The following RAB3GAP1 variants were observed in gnomAD, a reference collection of about 807,000 sequenced individuals.
RAB3GAP1 encodes the protein RAB3 GTPase activating protein catalytic subunit 1, also known as rab3 GTPase-activating protein catalytic subunit.
A neutral mutation model predicts 130.7 loss-of-function variants in RAB3GAP1; 86 were observed. The observed-to-expected ratio is 0.66, with a 90% CI of 0.55 to 0.79. The LOEUF (loss-of-function observed/expected upper bound fraction) is 0.79. RAB3GAP1 is among the 30% of genes least tolerant of loss of function. The pLI is 0.00. For missense variants in RAB3GAP1, 1,029 were observed against 1,169.4 expected (o/e 0.88, Z 1.75); for synonymous variants, 367 against 401.7 (o/e 0.91, Z 1.03).
chr2:135,111,796 T>A (rs576651673), intron 5 of RAB3GAP1, among the ~76,000 whole-genome samples: 1 of 152,242 alleles, frequency 6.6e-6, no homozygotes, highest in Non-Finnish European at 1.5e-5. Context: ...CAGATTTCTT[T>A]ATACTTAAAA....
At chr2:135,147,687 A>C (rs145328223) in intron 17 of RAB3GAP1, among the ~76,000 whole-genome samples, 1 of 140,412 alleles carries the variant, frequency 7.1e-6, no homozygotes, top group African/African-American at 2.7e-5. Context: ...ATCATAGCTC[A>C]CTGCAGCCTC....
At position 135,091,003 on chromosome 2, in the gene RAB3GAP1, A is replaced by G. The variant is rs1690127676; in HGVS notation, c.156A>G (p.Ile52Met). ...CATTTTATTGGTACATATAGGGTAT[A>G]TTTACTTCTGGCACATGGGAAGAGA... Reference protein sequence around the residue: ...NSLGKPLEKGIFTSGTWEEKS... With the variant: ...NSLGKPLEKGMFTSGTWEEKS... The change falls in exon 4 of 24, where the codon ATA becomes ATG. Residue 52 changes from isoleucine (I) to methionine (M), a missense_variant. By Grantham distance (10) the Ile-to-Met change is conservative. Around this residue, in one of 3 missense-constraint regions of RAB3GAP1, gnomAD observed 510 missense variants for 532.1 expected, o/e 0.96. Coordinates refer to ENST00000264158, the MANE Select transcript of RAB3GAP1 (RefSeq NM_012233.3). 6.2e-7 allele frequency: 1 copy of G among 1,611,932 alleles called. No individual in the cohort carries two copies. The highest frequency in any genetic ancestry group is 1.3e-5 in the African/African-American group (1 of 74,846).
intron 3 of RAB3GAP1, among the ~76,000 whole-genome samples, chr2:135,070,888 T>C (rs1481855066): frequency 6.6e-6 from 1 of 152,166 alleles, no homozygotes; most frequent in African/African-American, 2.4e-5. Context: ...TGGGAGGTGG[T>C]CCATAGCTTT....
At chr2:135,118,153 T>C (rs1691085499) in intron 7 of RAB3GAP1, among the ~76,000 whole-genome samples, 1 of 152,162 alleles carries the variant, frequency 6.6e-6, no homozygotes, top group Admixed American at 6.5e-5. Flanking sequence ...CCTTAGTCCT[T>C]CTTCTTAAGA....
At chr2:135,121,832 C>A (rs1337195364) in intron 8 of RAB3GAP1, among the ~76,000 whole-genome samples, 4 of 152,188 alleles carry the variant, frequency 2.6e-5, no homozygotes, top group Non-Finnish European at 4.4e-5. Flanking sequence ...GTGACTCACA[C>A]CTGTAATCCT....
Position 135,162,786 on chromosome 2 carries a change from A to C in RAB3GAP1, c.2425A>C (p.Lys809Gln). The change falls in exon 21 of 24, where the codon AAG (lysine) becomes CAG (glutamine). Residue 809 changes from lysine to glutamine, a missense_variant. This residue lies in a region of RAB3GAP1 where 373 missense variants were observed against 493.6 expected (regional missense o/e 0.76). Transcript: ENST00000264158. ...ENISSVKKII[K>Q]QIISHSSKVL... ...CATTTCTTCAGTTAAGAAGATCATA[A>C]AGCAGATAATATCCCATTCCAGTAA... 6.2e-7 allele frequency: 1 copy of C among 1,613,888 alleles called. No individual in the cohort carries two copies. The highest frequency in any genetic ancestry group is 1.1e-5 in the South Asian group (1 of 91,080).
At chr2:135,156,652 A>G (rs549361233) in intron 19 of RAB3GAP1, among the ~76,000 whole-genome samples, 24 of 152,322 alleles carry the variant, frequency 1.6e-4, no homozygotes, top group African/African-American at 5.0e-4. Flanking sequence ...CAGAAAATAT[A>G]TAGAAACTTT....
downstream of RAB3GAP1, among the ~76,000 whole-genome samples, chr2:135,171,731 C>T (rs976016094): frequency 6.6e-6 from 1 of 152,158 alleles, no homozygotes; most frequent in East Asian, 1.9e-4. Context: ...CGTGGAAGAC[C>T]TGGTGCTCAG....
intron 19 of RAB3GAP1, among the ~76,000 whole-genome samples, chr2:135,162,260 G>T (rs1692483650): frequency 6.6e-6 from 1 of 151,912 alleles, no homozygotes; most frequent in Admixed American, 6.6e-5. Flanking sequence ...ACTGTCAATG[G>T]TTGTTTTCTC....
At chr2:135,163,202 CAT>C in intron 22 of RAB3GAP1, 101 bp downstream of exon 22, 1 of 815,320 alleles carries the variant, frequency 1.2e-6, no homozygotes, top group East Asian at 2.5e-5. Flanking sequence ...TTGTGGTAAT[CAT>C]ATATTATTTG....
intron 3 of RAB3GAP1, among the ~76,000 whole-genome samples, chr2:135,067,840 T>C (rs1689363663): frequency 1.3e-5 from 2 of 152,190 alleles, no homozygotes; most frequent in Admixed American, 6.5e-5. Context: ...AGGTTATCCT[T>C]CCACCTCAGC....
chr2:135,061,401 A>G (rs955207540), intron 3 of RAB3GAP1, among the ~76,000 whole-genome samples: 2 of 152,310 alleles, frequency 1.3e-5, no homozygotes, highest in South Asian at 4.1e-4. Context: ...AATACATGGG[A>G]GGTTGTGTTG....
chr2:135,075,336 A>G (rs1689602119), intron 3 of RAB3GAP1, among the ~76,000 whole-genome samples: 1 of 152,156 alleles, frequency 6.6e-6, no homozygotes, highest in African/African-American at 2.4e-5. Context: ...TCCCTTCCTC[A>G]TCACTTCTCC....
chr2:135,105,958 G>T lies in RAB3GAP1; in HGVS notation c.363-7193G>T, dbSNP rs1299300539. 4.2e-4 allele frequency among the ~76,000 whole-genome samples: 64 copies of T among 151,874 alleles called. 1 individual carries two copies. Among genetic ancestry groups the T allele is most frequent in the Admixed American group, 1.4e-3 (21 of 15,272 alleles). On this transcript the variant is annotated intron_variant, in intron 5 of 23. Coordinates refer to ENST00000264158, the MANE Select transcript of RAB3GAP1 (RefSeq NM_012233.3). ...AAGTGAGGAGCCCCTCCGCTCGGCAGCCGCCCCGTCTGAGAAGTGAGGAGC... is the reference window on the plus strand; with the variant it reads ...AAGTGAGGAGCCCCTCCGCTCGGCATCCGCCCCGTCTGAGAAGTGAGGAGC...
At chr2:135,107,932 G>A (rs1270276513) in intron 5 of RAB3GAP1, among the ~76,000 whole-genome samples, 2 of 126,138 alleles carry the variant, frequency 1.6e-5, no homozygotes, top group African/African-American at 6.2e-5. Context: ...CCGACATTGT[G>A]CCATTGCACT....
chr2:135,158,642 A>G (rs563033414), intron 19 of RAB3GAP1, among the ~76,000 whole-genome samples: 34 of 152,332 alleles, frequency 2.2e-4, no homozygotes, highest in Middle Eastern at 6.8e-3. Context: ...TGTTCATAGT[A>G]AGGATTGGTT....
At chr2:135,140,780 T>C (rs941085524) in intron 17 of RAB3GAP1, among the ~76,000 whole-genome samples, 1 of 152,226 alleles carries the variant, frequency 6.6e-6, no homozygotes, top group Non-Finnish European at 1.5e-5. Context: ...GTGTTTAGCA[T>C]AAACCATATT....
At chr2:135,053,459 C>T (rs1338428177) in intron 2 of RAB3GAP1, among the ~76,000 whole-genome samples, 1 of 152,134 alleles carries the variant, frequency 6.6e-6, no homozygotes, top group Non-Finnish European at 1.5e-5. Context: ...TAGCTTAGAT[C>T]GAGAAGGTTT....
At chr2:135,088,302 T>C (rs1690044129) in intron 3 of RAB3GAP1, among the ~76,000 whole-genome samples, 1 of 152,188 alleles carries the variant, frequency 6.6e-6, no homozygotes, top group African/African-American at 2.4e-5. Flanking sequence ...ATCATATTAC[T>C]TACTGCCTCT....
Sources: allele counts gnomAD v4.1 joint callset (sites outside exome capture counted in the v4.1 genomes callset), GRCh38; gene constraint gnomAD v4.1.1; regional missense constraint gnomAD v4.1.1; transcripts MANE v1.5; gene names NCBI Gene and HGNC (gene_info 2026-07-23, HGNC 2026-07-21).